The following MATN4 variants were observed in gnomAD, a reference collection of about 807,000 sequenced individuals.
The protein encoded by MATN4 is matrilin-4.
MATN4 carries 40 observed loss-of-function variants against 54.6 expected under a neutral mutation model. The observed-to-expected ratio is 0.73, with a 90% CI of 0.57 to 0.95. The LOEUF (loss-of-function observed/expected upper bound fraction) is 0.95, where lower values mean the gene tolerates loss of function less well. Ranked by LOEUF, MATN4 falls within the 40% of genes least tolerant of loss-of-function variation. The pLI is 0.00. For missense variants in MATN4, 810 were observed against 819.1 expected, an observed-to-expected ratio of 0.99 and a Z score of 0.13; for synonymous variants, 351 against 345.3, an observed-to-expected ratio of 1.02 and a Z score of -0.18.
In MATN4 at chr20:45,297,904, A is replaced by C; in HGVS notation, c.1579+14T>G. The C allele has an allele frequency of 6.2e-7, 1 of 1,613,890 alleles. No individual in the cohort carries two copies. Among genetic ancestry groups the C allele is most frequent in the Non-Finnish European group, 8.5e-7 (1 of 1,179,834 alleles). ...AATGAGAGAGAGGAGGAGCCCCGAG[A>C]GAGATGCGCTCACCTGGACAGATGC... is the stretch of plus-strand genomic sequence containing the variant. On this transcript the variant is annotated intron_variant, in intron 8 of 9. Coordinates refer to ENST00000372756, the MANE Select transcript of MATN4 (RefSeq NM_001393530.1).
rs1332583827 is a variant in MATN4, at chr20:45,298,158, T to C, written c.1426+12A>G. ...CCCAACCCCAGCCCACTGTGTCCCA[T>C]GCCAAGCCCACCTTCCTCCTTGGCG... On this transcript the variant is annotated intron_variant, in intron 7 of 9. Transcript: ENST00000372756. This position sits in a 1 kb window ranked among gnomAD's most constrained non-coding sequence, Gnocchi z 4.6. 5 of 1,596,640 alleles carry C rather than the reference T, an allele frequency of 3.1e-6. No homozygotes were observed. In the African/African-American group the frequency reaches 4.0e-5, roughly 13 times the overall value.
intron 3 of MATN4, chr20:45,303,382 C>T (rs1288237539): frequency 9.8e-6 from 7 of 714,404 alleles, no homozygotes; most frequent in Non-Finnish European, 1.8e-5. Context: ...ACAGGGATAG[C>T]TGTCATCCAA....
intron 6 of MATN4, among the ~76,000 whole-genome samples, chr20:45,300,483 A>T (rs1986152308): frequency 6.6e-6 from 1 of 152,170 alleles, no homozygotes; most frequent in Non-Finnish European, 1.5e-5. Flanking sequence ...CTCTTTCTAC[A>T]GGCAGTAAAC....
rs778307562 is a variant in MATN4 at position 45,301,165 on chromosome 20, C to G, written c.826G>C (p.Gly276Arg). Reference protein sequence around the residue: ...SCQHECVSTPGGPRCHCREGH... With the variant: ...SCQHECVSTPRGPRCHCREGH... ...TCTCTGCAGTGGCACCGTGGCCCAC[C>G]AGGGGTGCTAACACACTCATGCTGA... is the stretch of plus-strand genomic sequence containing the variant. The change falls in exon 5 of 10, where the codon GGT becomes CGT. Residue 276 changes from glycine to arginine, a missense_variant. Physicochemically the swap from Gly to Arg is moderately radical, Grantham distance 125 (BLOSUM62 -2). Coordinates refer to ENST00000372756, the MANE Select transcript of MATN4 (RefSeq NM_001393530.1). 2.5e-6 allele frequency: 4 copies of G among 1,614,232 alleles called. No individual in the cohort carries two copies. The highest frequency in any genetic ancestry group is 3.4e-6 in the Non-Finnish European group (4 of 1,180,042).
upstream of MATN4, chr20:45,308,347 G>A: frequency 1.3e-6 from 1 of 794,336 alleles, no homozygotes; most frequent in Non-Finnish European, 2.1e-6. Flanking sequence ...CTGGCGGGTG[G>A]GGAGGGGAAG....
At chr20:45,308,400 T>C, upstream of MATN4, 1 of 605,302 alleles carries the variant, frequency 1.7e-6, no homozygotes, top group Middle Eastern at 4.5e-4. Context: ...GGATCCCCCC[T>C]TCCTCCTGAG....
chr20:45,298,077 G>A lies in MATN4; in HGVS notation c.1427-7C>T, dbSNP rs1985968488. The stretch of plus-strand genomic sequence containing the variant: ...ACGGCGTACATGACGATGCCTGCAA[G>A]GCCGGGGTCTCAGAGGGTGCCCCAG... On this transcript the variant is annotated splice_region_variant and splice_polypyrimidine_tract_variant and intron_variant, in intron 7 of 9. Transcript: ENST00000372756. This position sits in a 1 kb window ranked among gnomAD's most constrained non-coding sequence, Gnocchi z 4.6. 3 of 1,611,280 alleles carry A rather than the reference G, an allele frequency of 1.9e-6. No homozygotes were observed. The highest frequency in any genetic ancestry group is 2.7e-5 in the African/African-American group (2 of 74,906).
rs1487590600 is a variant in MATN4 at position 45,301,444 on chromosome 20, C to G, written c.644-1G>C. The G allele has an allele frequency of 6.2e-7, 1 of 1,613,088 alleles. No individual in the cohort carries two copies. The highest frequency in any genetic ancestry group is 8.5e-7 in the Non-Finnish European group (1 of 1,179,826). On this transcript the variant is annotated splice_acceptor_variant, in intron 3 of 9. Coordinates refer to ENST00000372756, the MANE Select transcript of MATN4 (RefSeq NM_001393530.1). LOFTEE classifies it high-confidence loss of function. ...GTCCCTTCAGCACACAGATCAATGG[C>G]TGAGGAAGAAATGGGGTCAGTCTAT...
rs1039492634 is a variant in MATN4 at position 45,293,591 on chromosome 20, C to T, written c.*176G>A. The T allele has an allele frequency of 8.6e-6, 5 of 579,350 alleles. No individual in the cohort carries two copies. Among genetic ancestry groups the T allele is most frequent in the African/African-American group, 8.0e-5 (4 of 49,774 alleles). The allele number at this position is 579,350 out of a possible 1,614,324, so 35.9% of individuals were successfully genotyped here. A position where few individuals can be genotyped will look rare whatever the true frequency, so the allele number is the denominator to read the frequency against. The stretch of plus-strand genomic sequence containing the variant: ...GCTATCCCCCTGACGCCGCAGTCCG[C>T]CTAATGGTCCGGGCGAGGCCAACTC... On this transcript the variant is annotated 3_prime_UTR_variant, in exon 10 of 10. Coordinates refer to ENST00000372756, the MANE Select transcript of MATN4 (RefSeq NM_001393530.1).
At chr20:45,307,306 C>T (rs568390407) in intron 1 of MATN4, among the ~76,000 whole-genome samples, 1 of 152,288 alleles carries the variant, frequency 6.6e-6, no homozygotes, top group South Asian at 2.1e-4. Flanking sequence ...CTATTCTGAG[C>T]GAGGCCAGTG....
intron 3 of MATN4, among the ~76,000 whole-genome samples, chr20:45,302,715 G>C (rs569125841): frequency 6.6e-6 from 1 of 152,332 alleles, no homozygotes; most frequent in East Asian, 1.9e-4. Flanking sequence ...TGGGTGGCAT[G>C]AGGGGGGACA....
In MATN4 at chr20:45,298,506, C is replaced by T; in HGVS notation, c.1090G>A (p.Val364Met). 1 of 1,612,764 alleles carries T rather than the reference C, an allele frequency of 6.2e-7. No homozygotes were observed. The highest frequency in any genetic ancestry group is 8.5e-7 in the Non-Finnish European group (1 of 1,179,284). The change falls in exon 7 of 10, where the codon GTG becomes ATG. Residue 364 changes from valine (V) to methionine (M), a missense_variant. Physicochemically the swap from Val to Met is conservative, Grantham distance 21. Coordinates refer to ENST00000372756, the MANE Select transcript of MATN4 (RefSeq NM_001393530.1). The surrounding 1 kb of genome is among the most constrained non-coding windows in gnomAD (Gnocchi z 4.6). The stretch of plus-strand genomic sequence containing the variant: ...ACAATCTGGTTCACGAAGCGCTTCA[C>T]TAGCTCGAAGTTTTGTGGACGCACG... ...KSVRPQNFELVKRFVNQIVDF... is the reference protein window; with the variant it reads ...KSVRPQNFELMKRFVNQIVDF...
chr20:45,304,163 T>G, intron 3 of MATN4, 65 bp downstream of exon 3: 1 of 1,340,550 alleles, frequency 7.5e-7, no homozygotes, highest in Non-Finnish European at 9.9e-7. Flanking sequence ...TTTACTGTGG[T>G]GGGAAAGGAA....
At chr20:45,306,584 C>T (rs1016911705) in intron 1 of MATN4, among the ~76,000 whole-genome samples, 5 of 152,254 alleles carry the variant, frequency 3.3e-5, no homozygotes, top group Admixed American at 6.5e-5. Context: ...AGGGGCTGCG[C>T]CCTGTTGCGG....
chr20:45,305,485 T>A, intron 2 of MATN4, 25 bp downstream of exon 2: 1 of 1,543,274 alleles, frequency 6.5e-7, no homozygotes, highest in Non-Finnish European at 8.8e-7. Flanking sequence ...CTCCTCCCAC[T>A]GGTGAGGGCT....
At chr20:45,300,779 G>C in intron 6 of MATN4, 108 bp downstream of exon 6, 4 of 1,389,804 alleles carry the variant, frequency 2.9e-6, no homozygotes, top group South Asian at 1.3e-5. Flanking sequence ...AACACACACA[G>C]ACATTCACAC....
Position 45,308,219 on chromosome 20 carries a change from C to CGACA in MATN4, c.-83_-80dup. On this transcript the variant is annotated 5_prime_UTR_variant, in exon 1 of 10. Transcript: ENST00000372756. The stretch of plus-strand genomic sequence containing the variant: ...CAGAGATGCAGCTGCAGAGCGAAGC[C>CGACA]GACAGGCGGAGCCTCCCGGGCACTT... The CGACA allele has an allele frequency of 6.2e-7, 1 of 1,613,996 alleles. No homozygotes were observed. The highest frequency in any genetic ancestry group is 1.7e-4 in the Middle Eastern group (1 of 6,054).
chr20:45,299,833 G>A (rs550495241), intron 6 of MATN4, among the ~76,000 whole-genome samples: 111 of 141,442 alleles, frequency 7.8e-4, no homozygotes, highest in African/African-American at 1.7e-3. Context: ...AGCCGACATC[G>A]CGCCACTGCA....
intron 1 of MATN4, among the ~76,000 whole-genome samples, 189 bp from the exon 2 acceptor site, chr20:45,305,805 C>CTTTTTTTTGTTTTT (rs1986597469): frequency 1.5e-5 from 1 of 64,676 alleles, no homozygotes; most frequent in Non-Finnish European, 2.6e-5. Flanking sequence ...ACAAGAGATT[C>CTTTTTTTTGTTTTT]TTTTTTTTTT....
Sources: gnomAD v4.1 joint callset for allele counts (sites outside exome capture counted in the v4.1 genomes callset) on GRCh38, gnomAD v4.1.1 for gene constraint, Gnocchi (gnomAD v3.1) non-coding constraint, MANE v1.5 for transcripts, NCBI Gene and HGNC (gene_info 2026-07-23, HGNC 2026-07-21) for gene names.